Variants in PCDH15 observed in about 807,000 individuals in gnomAD.
The protein encoded by PCDH15 is protocadherin-15.
Under a neutral mutation model 178.5 loss-of-function variants are expected in PCDH15, and 129 were observed. That is an observed-to-expected ratio of 0.72 (90% confidence interval 0.63 to 0.84). PCDH15 has a LOEUF of 0.84. Among genes scored for constraint, PCDH15 ranks in the 40% least tolerant of loss-of-function variants. PCDH15 has a pLI of 0.00. For synonymous variants in PCDH15, 800 were observed against 732.0 expected (o/e 1.09, Z -1.50); for missense variants, 2,230 against 2,099.9 (o/e 1.06, Z -1.21).
chr10:54,208,824 G>A (rs1471670035), intron 10 of PCDH15, among the ~76,000 whole-genome samples: 1 of 151,926 alleles, frequency 6.6e-6, no homozygotes, highest in South Asian at 2.1e-4. Flanking sequence ...AGATATAGAA[G>A]ATATGTCATT....
At chr10:54,706,472 A>G (rs1025598941) in intron 1 of PCDH15, among the ~76,000 whole-genome samples, 2 of 152,172 alleles carry the variant, frequency 1.3e-5, no homozygotes, top group African/African-American at 4.8e-5. Flanking sequence ...ATCCTAGTAG[A>G]TAAAATTCCT....
intron 29 of PCDH15, among the ~76,000 whole-genome samples, chr10:53,832,973 G>T (rs2132655529): frequency 6.6e-6 from 1 of 151,966 alleles, no homozygotes; most frequent in African/African-American, 2.4e-5. Flanking sequence ...GATTAAAAAT[G>T]TACTTTTTAT....
intron 20 of PCDH15, among the ~76,000 whole-genome samples, chr10:54,010,704 A>C (rs1210370589): frequency 1.3e-5 from 2 of 152,140 alleles, no homozygotes; most frequent in Admixed American, 6.5e-5. Context: ...CTGGGGAGGA[A>C]CAAAGGGCTT....
At chr10:53,919,584 AC>A (rs2083822927) in intron 25 of PCDH15, among the ~76,000 whole-genome samples, 2 of 152,198 alleles carry the variant, frequency 1.3e-5, no homozygotes, top group Admixed American at 1.3e-4. Flanking sequence ...GGATTAAATA[AC>A]ATGTCTAAAA....
At chr10:54,179,093 A>G (rs2047723809) in intron 13 of PCDH15, among the ~76,000 whole-genome samples, 1 of 152,198 alleles carries the variant, frequency 6.6e-6, no homozygotes, top group African/African-American at 2.4e-5. Context: ...ACTATAAATC[A>G]GGCTGCTATA....
intron 32 of PCDH15, chr10:53,821,354 G>A: frequency 2.0e-6 from 2 of 993,692 alleles, no homozygotes; most frequent in East Asian, 1.1e-4. Flanking sequence ...TACAATCTAG[G>A]TACATTATAT....
intron 2 of PCDH15, among the ~76,000 whole-genome samples, chr10:55,466,251 T>G (rs557730426): frequency 6.6e-6 from 1 of 152,298 alleles, no homozygotes; most frequent in African/African-American, 2.4e-5. Context: ...AGAGACAGCT[T>G]AATTAACATA....
chr10:54,600,907 C>T (rs1218109527), intron 2 of PCDH15, among the ~76,000 whole-genome samples: 3 of 151,906 alleles, frequency 2.0e-5, no homozygotes, highest in South Asian at 2.1e-4. Flanking sequence ...CAATTTCCTG[C>T]ACTGTTGGAA....
chr10:54,184,545 G>A (rs996483498), intron 12 of PCDH15, among the ~76,000 whole-genome samples: 3 of 151,454 alleles, frequency 2.0e-5, no homozygotes, highest in Non-Finnish European at 4.4e-5. Context: ...CCCTTGATTA[G>A]CCTAACCCAT....
At chr10:54,732,913 A>G (rs922342376) in intron 1 of PCDH15, among the ~76,000 whole-genome samples, 1 of 151,618 alleles carries the variant, frequency 6.6e-6, no homozygotes, top group African/African-American at 2.4e-5. Flanking sequence ...TCTTAATATT[A>G]TCAGAATAAA....
intron 36 of PCDH15, 114 bp downstream of exon 36, chr10:53,811,424 AAGTATTATACT>A: frequency 1.9e-6 from 1 of 525,980 alleles, no homozygotes; most frequent in South Asian, 4.1e-5. Context: ...ATTCATTTTC[AAGTATTATACT>A]AGTGAGATCG....
chr10:54,358,053 T>TA (rs113189068), intron 5 of PCDH15, among the ~76,000 whole-genome samples: 1 of 120,762 alleles, frequency 8.3e-6, no homozygotes, highest in Non-Finnish European at 1.6e-5. Flanking sequence ...CCTTAAACGA[T>TA]AAAAAACCCT....
At chr10:55,612,083 G>T (rs1843378883) in intron 2 of PCDH15, among the ~76,000 whole-genome samples, 1 of 151,984 alleles carries the variant, frequency 6.6e-6, no homozygotes, top group Admixed American at 6.6e-5. Context: ...CTAGATAGGA[G>T]AAATAAGTCC....
At chr10:53,946,442 A>G (rs905573075) in intron 23 of PCDH15, among the ~76,000 whole-genome samples, 5 of 152,248 alleles carry the variant, frequency 3.3e-5, no homozygotes, top group Admixed American at 3.3e-4. Context: ...CTGCCTCTAT[A>G]TGTTTAACTT....
chr10:54,297,242 C>T (rs1038190596), intron 8 of PCDH15, among the ~76,000 whole-genome samples: 1 of 152,128 alleles, frequency 6.6e-6, no homozygotes, highest in African/African-American at 2.4e-5. Flanking sequence ...TCAATGGGCT[C>T]ACCCTTGAAA....
chr10:54,989,469 G>A (rs1478102818), intron 2 of PCDH15, among the ~76,000 whole-genome samples: 2 of 152,222 alleles, frequency 1.3e-5, no homozygotes, highest in African/African-American at 4.8e-5. Context: ...CACAGGGGCA[G>A]AGCTGCCCAA....
intron 2 of PCDH15, among the ~76,000 whole-genome samples, chr10:54,923,677 A>T (rs1464384782): frequency 2.2e-5 from 3 of 138,322 alleles, no homozygotes; most frequent in East Asian, 4.0e-4. Flanking sequence ...AAGCAAAGCT[A>T]CAATGCCACC....
chr10:55,283,222 A>G (rs931544199), intron 1 of PCDH15, among the ~76,000 whole-genome samples: 1 of 152,086 alleles, frequency 6.6e-6, no homozygotes, highest in Non-Finnish European at 1.5e-5. Flanking sequence ...ACCCAGTTCA[A>G]TAAGCTGTTT....
At chr10:53,888,282 C>CTATATATATATATATATATATATATATA (rs201647527) in intron 26 of PCDH15, among the ~76,000 whole-genome samples, 3 of 95,396 alleles carry the variant, frequency 3.1e-5, no homozygotes, top group East Asian at 3.3e-4. Context: ...CATTCCAACA[C>CTATATATATATATATATATATATATATA]TATATATACA....
Sources: gnomAD v4.1 joint callset for allele counts (sites outside exome capture counted in the v4.1 genomes callset) on GRCh38, gnomAD v4.1.1 for gene constraint, MANE v1.5 for transcripts, NCBI Gene and HGNC (gene_info 2026-07-23, HGNC 2026-07-21) for gene names.